TMEM182: variants seen among roughly 807,000 people sequenced by gnomAD.
TMEM182 encodes transmembrane protein 182.
A neutral mutation model predicts 26.8 loss-of-function variants in TMEM182; 20 were observed. That is an observed-to-expected ratio of 0.75 (90% CI 0.53 to 1.09). The LOEUF (loss-of-function observed/expected upper bound fraction) is 1.09. Among genes scored for constraint, TMEM182 ranks in the 50% least tolerant of loss-of-function variants. The pLI, the probability that TMEM182 is intolerant of heterozygous loss-of-function variation, is 0.00. For synonymous variants in TMEM182, 109 were observed against 102.2 expected (o/e 1.07, Z -0.40); for missense variants, 277 against 275.5 (o/e 1.01, Z -0.04).
intron 1 of TMEM182, among the ~76,000 whole-genome samples, chr2:102,743,417 G>A (rs1558749025): frequency 6.6e-6 from 1 of 152,106 alleles, no homozygotes. Flanking sequence ...AGGATCATTC[G>A]AGCTCAGGAA....
At chr2:102,779,850 T>C (rs1198998915) in intron 3 of TMEM182, among the ~76,000 whole-genome samples, 1 of 151,936 alleles carries the variant, frequency 6.6e-6, no homozygotes, top group Non-Finnish European at 1.5e-5. Context: ...TACAGAAAAG[T>C]TAGCTAGCTG....
At position 102,773,583 on chromosome 2, in the gene TMEM182, C is replaced by T. The variant is rs567191537; in HGVS notation, c.331+9156C>T. On this transcript the variant is annotated intron_variant, in intron 3 of 4. Transcript: ENST00000412401. ...GAGCAAGTGAGGGGAGCTTAGAAGA[C>T]GTGGTCACAGAGGCAACTGGGGAGG... is the stretch of plus-strand genomic sequence containing the variant. Among the ~76,000 whole-genome samples, 34 of 151,574 alleles carry T rather than the reference C, an allele frequency of 2.2e-4. 1 individual carries two copies. Among genetic ancestry groups the T allele is most frequent in the African/African-American group, 6.8e-4 (28 of 41,300 alleles).
chr2:102,754,079 G>A (rs949169714), intron 1 of TMEM182, among the ~76,000 whole-genome samples: 21 of 152,106 alleles, frequency 1.4e-4, no homozygotes, highest in African/African-American at 4.8e-4. Flanking sequence ...AGAGACATGC[G>A]GCTCATAGGC....
At chr2:102,822,860 A>C (rs1240482462) in intron 3 of TMEM182, among the ~76,000 whole-genome samples, 1 of 152,140 alleles carries the variant, frequency 6.6e-6, no homozygotes, top group Non-Finnish European at 1.5e-5. Context: ...TGTAGAAAGC[A>C]CTCAGTACAT....
chr2:102,768,611 G>A (rs531452919), intron 3 of TMEM182, among the ~76,000 whole-genome samples: 2 of 152,038 alleles, frequency 1.3e-5, no homozygotes, highest in African/African-American at 2.4e-5. Context: ...TGAGGCATGA[G>A]AATTGCTTGA....
At chr2:102,805,069 C>T (rs1573556238) in intron 4 of TMEM182, among the ~76,000 whole-genome samples, 1 of 152,180 alleles carries the variant, frequency 6.6e-6, no homozygotes, top group Non-Finnish European at 1.5e-5. Flanking sequence ...CCACAAATGT[C>T]AAATGCCAGC....
chr2:102,811,788 A>G (rs898660019), intron 4 of TMEM182, among the ~76,000 whole-genome samples: 1 of 152,200 alleles, frequency 6.6e-6, no homozygotes, highest in Non-Finnish European at 1.5e-5. Flanking sequence ...CACCCCTGTC[A>G]TTCTTTGAAC....
rs1682752779 is a variant in TMEM182, at chr2:102,816,430, A to G, written c.*1462A>G. 8.1e-6 allele frequency: 8 copies of G among 985,104 alleles called. No homozygotes were observed. In the African/African-American group the frequency reaches 1.0e-4, roughly 13 times the overall value. The allele number at this position is 985,104 out of a possible 1,614,324, so 61.0% of individuals were successfully genotyped here. A position where few individuals can be genotyped will look rare whatever the true frequency, so the allele number is the denominator to read the frequency against. ...TCTGTACATCTTGTGCTTTTCCATT[A>G]AGACTTGTTCCAGTGGGAAGGAGCT... is the stretch of plus-strand genomic sequence containing the variant. On this transcript the variant is annotated 3_prime_UTR_variant, in exon 5 of 5. Transcript: ENST00000412401.
intron 1 of TMEM182, among the ~76,000 whole-genome samples, chr2:102,739,248 C>G (rs1389269054): frequency 6.6e-6 from 1 of 152,156 alleles, no homozygotes; most frequent in Non-Finnish European, 1.5e-5. Flanking sequence ...AATGCCTTGA[C>G]CTGCAGGGAT....
At chr2:102,841,896 A>G (rs1224695423) in intron 3 of TMEM182, among the ~76,000 whole-genome samples, 3 of 152,212 alleles carry the variant, frequency 2.0e-5, no homozygotes, top group Non-Finnish European at 2.9e-5. Context: ...GACAATTTAC[A>G]TAATTTAGAG....
At chr2:102,828,966 C>A (rs1310389177) in intron 3 of TMEM182, among the ~76,000 whole-genome samples, 1 of 152,150 alleles carries the variant, frequency 6.6e-6, no homozygotes, top group Non-Finnish European at 1.5e-5. Context: ...GTATATTGAA[C>A]AAATATTCTG....
intron 3 of TMEM182, among the ~76,000 whole-genome samples, chr2:102,835,288 C>T (rs76755757): frequency 6.6e-6 from 1 of 152,242 alleles, no homozygotes; most frequent in South Asian, 2.1e-4. Flanking sequence ...AATCGTGACT[C>T]GATTTTTAAA....
intron 1 of TMEM182, among the ~76,000 whole-genome samples, chr2:102,741,402 C>T (rs1475523003): frequency 2.6e-5 from 4 of 152,142 alleles, no homozygotes; most frequent in Non-Finnish European, 5.9e-5. Flanking sequence ...CCGTCAGGTT[C>T]CCAGCAGAAG....
chr2:102,835,076 A>G (rs751196963), intron 3 of TMEM182, among the ~76,000 whole-genome samples: 6 of 152,194 alleles, frequency 3.9e-5, no homozygotes, highest in Admixed American at 2.0e-4. Context: ...AGTGATTGTA[A>G]CAGCTCACAG....
intron 3 of TMEM182, among the ~76,000 whole-genome samples, chr2:102,769,032 A>G (rs1463917641): frequency 6.6e-6 from 1 of 152,146 alleles, no homozygotes; most frequent in Non-Finnish European, 1.5e-5. Flanking sequence ...TGTTTCTTCT[A>G]CCATCCTTGG....
At chr2:102,783,602 C>T (rs1182709049) in intron 3 of TMEM182, among the ~76,000 whole-genome samples, 1 of 152,176 alleles carries the variant, frequency 6.6e-6, no homozygotes, top group Non-Finnish European at 1.5e-5. Flanking sequence ...AGGTACTGCA[C>T]TCAGTGAATG....
chr2:102,831,089 C>T (rs1387798912), intron 3 of TMEM182, among the ~76,000 whole-genome samples: 1 of 152,136 alleles, frequency 6.6e-6, no homozygotes, highest in Non-Finnish European at 1.5e-5. Context: ...TCCACCTTTT[C>T]TTTATCTGCT....
chr2:102,836,625 C>CA (rs1683251807), intron 3 of TMEM182, among the ~76,000 whole-genome samples: 1 of 152,148 alleles, frequency 6.6e-6, no homozygotes, highest in Non-Finnish European at 1.5e-5. Flanking sequence ...ATTCCATGAA[C>CA]AAAAAGCACA....
In TMEM182 at chr2:102,826,080, T is replaced by C. The variant is rs1246190910; in HGVS notation, c.326-17332T>C. Among the ~76,000 whole-genome samples the C allele has an allele frequency of 2.6e-5, 4 of 152,200 alleles. No individual in the cohort carries two copies. In the South Asian group the frequency reaches 8.3e-4, roughly 31 times the overall value. On this transcript the variant is annotated intron_variant, in intron 3 of 3. Coordinates refer to the TMEM182 transcript ENST00000486293. Reference sequence around the variant, plus strand: ...TTTAAATTCTCCACTGGCCACTCACTGAGATTTAGTGCTTGGGCTTGAACC... The same window carrying C: ...TTTAAATTCTCCACTGGCCACTCACCGAGATTTAGTGCTTGGGCTTGAACC...
Sources: allele counts gnomAD v4.1 joint callset (sites outside exome capture counted in the v4.1 genomes callset), GRCh38; gene constraint gnomAD v4.1.1; transcripts MANE v1.5; gene names NCBI Gene and HGNC (gene_info 2026-07-23, HGNC 2026-07-21).